CNPY4: variants seen among roughly 807,000 people sequenced by gnomAD.
CNPY4 encodes the protein canopy FGF signaling regulator 4.
A neutral mutation model predicts 30.1 loss-of-function variants in CNPY4; 33 were observed. The ratio of observed to expected loss-of-function variants is 1.10; its 90% confidence interval spans 0.83 to 1.46. CNPY4 has a LOEUF of 1.46. CNPY4 is among the 40% of genes most tolerant of loss of function. The pLI is 0.00. For synonymous variants in CNPY4, 109 were observed against 110.1 expected, an observed-to-expected ratio of 0.99 and a Z score of 0.06; for missense variants, 324 against 302.6, an observed-to-expected ratio of 1.07 and a Z score of -0.52.
chr7:100,121,024 T>C (rs75398432), intron 1 of CNPY4: 4 of 144,386 alleles, frequency 2.8e-5, no homozygotes, highest in African/African-American at 1.0e-4. Context: ...TTTATATATG[T>C]TGATTTATTT....
At position 100,122,971 on chromosome 7, in the gene CNPY4, A is replaced by G. The variant is rs1798114191; in HGVS notation, c.465+65A>G. The G allele has an allele frequency of 6.6e-5, 102 of 1,535,040 alleles. No homozygotes were observed. The South Asian group carries it at 1.2e-3, about 18-fold the overall frequency. On this transcript the variant is annotated intron_variant, in intron 4 of 5. Transcript: ENST00000262932. Reference sequence around the variant, plus strand: ...GAACCTGAGAGGGGAGCTAGGTTCTAGGGTTTGACTATAGGGGATGTCTAC... The same window carrying G: ...GAACCTGAGAGGGGAGCTAGGTTCTGGGGTTTGACTATAGGGGATGTCTAC...
rs764656853 is a variant in CNPY4 at position 100,124,557 on chromosome 7, G to A, written c.509G>A (p.Trp170Ter). Residue 170 changes from tryptophan to a stop codon, truncating the protein, a stop_gained, in exon 5 of 6, where the codon TGG becomes TAG. Coordinates refer to ENST00000262932, the MANE Select transcript of CNPY4 (RefSeq NM_152755.2). LOFTEE classifies it high-confidence loss of function. ...LEEFEDIVGD[W>*]YFHHQEQPLQ... is the part of the protein sequence containing the mutation. ...GAGTTTGAAGACATTGTGGGAGACTGGTACTTCCACCATCAGGAGCAGCCC... is the reference window on the plus strand; with the variant it reads ...GAGTTTGAAGACATTGTGGGAGACTAGTACTTCCACCATCAGGAGCAGCCC... The A allele has an allele frequency of 8.7e-6, 14 of 1,612,752 alleles. No homozygotes were observed. Among genetic ancestry groups the A allele is most frequent in the Middle Eastern group, 1.6e-4 (1 of 6,084 alleles).
chr7:100,124,699 A>G (rs754424900), intron 5 of CNPY4, 26 bp from the exon 6 acceptor site: 5 of 1,613,502 alleles, frequency 3.1e-6, no homozygotes, highest in East Asian at 2.2e-5. Flanking sequence ...ACTAATATCT[A>G]AATTGTTTTC....
At position 100,124,821 on chromosome 7, in the gene CNPY4, A is replaced by G. The variant is rs1433564945; in HGVS notation, c.680A>G (p.Glu227Gly). The G allele has an allele frequency of 6.2e-7, 1 of 1,612,998 alleles. No homozygotes were observed. Among genetic ancestry groups the G allele is most frequent in the Non-Finnish European group, 8.5e-7 (1 of 1,179,552 alleles). The change falls in exon 6 of 6, where the codon GAA (glutamate) becomes GGA (glycine). Residue 227 changes from glutamate (E) to glycine (G), a missense_variant. Coordinates refer to ENST00000262932, the MANE Select transcript of CNPY4 (RefSeq NM_152755.2). ...EEQEEEEEEE[E>G]EEGGDKMTKT... is the part of the protein sequence containing the mutation. ...CAGGAGGAGGAGGAGGAAGAGGAGG[A>G]AGAGGAAGGGGGAGACAAGATGACC...
At chr7:100,122,930 C>T in intron 4 of CNPY4, 24 bp downstream of exon 4, 1 of 1,593,922 alleles carries the variant, frequency 6.3e-7, no homozygotes, top group South Asian at 1.1e-5. Flanking sequence ...CTGCACCATC[C>T]AGGGAGGTGA....
Position 100,124,929 on chromosome 7 carries a change from G to T in CNPY4, c.*41G>T, listed in dbSNP as rs1418084313. On this transcript the variant is annotated 3_prime_UTR_variant, in exon 6 of 6. Coordinates refer to ENST00000262932, the MANE Select transcript of CNPY4 (RefSeq NM_152755.2). ...CCCCAGGAGGGGAAGGGATCATGGA[G>T]AGCCCTCTAAAGCCTGCACTCTCCC... 1 of 1,547,372 alleles carries T rather than the reference G, an allele frequency of 6.5e-7. No homozygotes were observed. Among genetic ancestry groups the T allele is most frequent in the Non-Finnish European group, 8.7e-7 (1 of 1,150,120 alleles).
intron 1 of CNPY4, chr7:100,121,117 T>TACATATA (rs1491228284): frequency 5.7e-5 from 2 of 35,156 alleles, no homozygotes; most frequent in Non-Finnish European, 9.9e-5. Flanking sequence ...TATATATATA[T>TACATATA]TTTTTTTTTT....
intron 4 of CNPY4, 77 bp from the exon 5 acceptor site, chr7:100,124,437 T>C: frequency 8.6e-7 from 1 of 1,166,910 alleles, no homozygotes; most frequent in East Asian, 2.4e-5. Context: ...ATCAGTCAGG[T>C]TGAGCAGGGA....
Position 100,122,785 on chromosome 7 carries a change from G to A in CNPY4, c.344G>A (p.Gly115Asp). The A allele has an allele frequency of 6.2e-7, 1 of 1,612,998 alleles. No homozygotes were observed. Among genetic ancestry groups the A allele is most frequent in the Non-Finnish European group, 8.5e-7 (1 of 1,179,544 alleles). ...ERKGSLRYAK[G>D]QSQTMATLKG... is the part of the protein sequence containing the mutation. The stretch of plus-strand genomic sequence containing the variant: ...GATGCCAAATTCTTAATCTCTCAGG[G>A]TCAGAGTCAGACCATGGCAACACTG... The change falls in exon 4 of 6, where the codon GGT (glycine) becomes GAT (aspartate). Residue 115 changes from glycine (G) to aspartate (D), a missense_variant and splice_region_variant. Coordinates refer to ENST00000262932, the MANE Select transcript of CNPY4 (RefSeq NM_152755.2).
At chr7:100,124,059 C>G (rs924119714) in intron 4 of CNPY4, among the ~76,000 whole-genome samples, 1 of 151,748 alleles carries the variant, frequency 6.6e-6, no homozygotes, top group Non-Finnish European at 1.5e-5. Context: ...ATCACTTGAA[C>G]CCGGGAGGCG....
At chr7:100,124,182 A>G (rs1798154799) in intron 4 of CNPY4, among the ~76,000 whole-genome samples, 1 of 151,400 alleles carries the variant, frequency 6.6e-6, no homozygotes, top group African/African-American at 2.4e-5. Flanking sequence ...ATCCACCATC[A>G]CTTATTGAGC....
chr7:100,122,997 C>T (rs1393391376), intron 4 of CNPY4, 91 bp downstream of exon 4: 28 of 1,408,796 alleles, frequency 2.0e-5, no homozygotes, highest in Admixed American at 2.4e-5. Flanking sequence ...GGATGTCTAC[C>T]CCTAAGCATG....
In CNPY4 at chr7:100,125,025, C is replaced by T. The variant is rs888100445; in HGVS notation, c.*137C>T. ...CTTGTAGCTGTTCTCTCCCATCTAA[C>T]CTCAGGCAAGATCCTGGTGAAACAG... On this transcript the variant is annotated 3_prime_UTR_variant, in exon 6 of 6. Coordinates refer to ENST00000262932, the MANE Select transcript of CNPY4 (RefSeq NM_152755.2). The T allele has an allele frequency of 5.8e-6, 6 of 1,029,860 alleles. No individual in the cohort carries two copies. The African/African-American group carries it at 8.0e-5, about 14-fold the overall frequency. 63.8% of individuals were successfully genotyped at this position (1,029,860 alleles called of 1,614,324 possible). A position where few individuals can be genotyped will look rare whatever the true frequency, so the allele number is the denominator to read the frequency against.
intron 1 of CNPY4, chr7:100,122,049 G>A (rs1210986164): frequency 2.8e-4 from 87 of 314,282 alleles, no homozygotes; most frequent in South Asian, 1.7e-3. Flanking sequence ...GAGTCCGTCT[G>A]AAAAAAAAAA....
rs772985926 is a variant in CNPY4 at position 100,124,630 on chromosome 7, T to C, written c.582T>C (p.Thr194=). 1.2e-6 allele frequency: 2 copies of C among 1,613,054 alleles called. No homozygotes were observed. Among genetic ancestry groups the C allele is most frequent in the East Asian group, 2.2e-5 (1 of 44,876 alleles). Residue 194 remains threonine (T), a splice_region_variant and synonymous_variant, in exon 5 of 6, where the codon ACT becomes ACC. Coordinates refer to ENST00000262932, the MANE Select transcript of CNPY4 (RefSeq NM_152755.2). ...CEGHVLPAAE[T]ACLQETWTGK... ...GTCATGTGCTCCCAGCTGCTGAAAC[T>C]GGTAAGCGTAAGGGTTGAACTCCTC...
chr7:100,119,654 G>A lies in CNPY4; in HGVS notation c.-91G>A, dbSNP rs1381802811. 7 of 1,610,568 alleles carry A rather than the reference G, an allele frequency of 4.3e-6. No homozygotes were observed. Among genetic ancestry groups the A allele is most frequent in the Middle Eastern group, 1.7e-4 (1 of 6,040 alleles). On this transcript the variant is annotated 5_prime_UTR_variant, in exon 1 of 6. Coordinates refer to ENST00000262932, the MANE Select transcript of CNPY4 (RefSeq NM_152755.2). ...CCGACCTTCCTCGGCTGGATTTAAG[G>A]TTGCCGCTAGCCGCCTGGGAATTTA...
chr7:100,123,740 G>C (rs1369468090), intron 4 of CNPY4, among the ~76,000 whole-genome samples: 1 of 152,078 alleles, frequency 6.6e-6, no homozygotes, highest in Non-Finnish European at 1.5e-5. Context: ...CAGGCTGGTC[G>C]AACTCCTGAC....
intron 4 of CNPY4, chr7:100,124,310 A>C: frequency 1.8e-6 from 1 of 541,338 alleles, no homozygotes; most frequent in South Asian, 2.4e-5. Flanking sequence ...AGGAGCTGAG[A>C]CTCAAGAGTT....
intron 3 of CNPY4, 65 bp from the exon 4 acceptor site, chr7:100,122,719 G>A (rs1798108928): frequency 1.3e-6 from 2 of 1,569,600 alleles, no homozygotes; most frequent in Admixed American, 1.8e-5. Context: ...AAACTGAAAT[G>A]GCAGAAAGGG....
Sources: allele counts gnomAD v4.1 joint callset (sites outside exome capture counted in the v4.1 genomes callset), GRCh38; gene constraint gnomAD v4.1.1; transcripts MANE v1.5; gene names NCBI Gene and HGNC (gene_info 2026-07-23, HGNC 2026-07-21).